Variants in MAN2B2 observed in about 807,000 individuals in gnomAD.
MAN2B2 encodes the protein epididymis-specific alpha-mannosidase.
MAN2B2 carries 106 observed loss-of-function variants against 117.1 expected under a neutral mutation model. That is an observed-to-expected ratio of 0.90 (90% CI 0.77 to 1.06). The LOEUF (loss-of-function observed/expected upper bound fraction) is 1.06. MAN2B2 is among the 50% of genes least tolerant of loss of function. The pLI is 0.00. For synonymous variants in MAN2B2, 544 were observed against 595.1 expected, an observed-to-expected ratio of 0.91 and a Z score of 1.25; for missense variants, 1,326 against 1,381.4, an observed-to-expected ratio of 0.96 and a Z score of 0.64.
At chr4:6,594,467 C>T (rs765131145) in intron 6 of MAN2B2, 67 bp from the exon 7 acceptor site, 16 of 1,517,830 alleles carry the variant, frequency 1.1e-5, no homozygotes, top group East Asian at 2.3e-5. Context: ...GGGCAGCGAT[C>T]GGCCCACCCC....
intron 18 of MAN2B2, chr4:6,620,245 G>A: frequency 7.4e-6 from 4 of 539,394 alleles, no homozygotes; most frequent in Admixed American, 3.2e-5. Context: ...TGCCTGCCAG[G>A]GCTCCACACA....
chr4:6,609,761 C>A, intron 12 of MAN2B2, 37 bp from the exon 13 acceptor site: 1 of 1,601,888 alleles, frequency 6.2e-7, no homozygotes, highest in South Asian at 1.1e-5. Flanking sequence ...TAGAAGGTTC[C>A]TGGAGCTTCA....
At position 6,593,240 on chromosome 4, in the gene MAN2B2, A is replaced by G. The variant is rs1726925399; in HGVS notation, c.748A>G (p.Met250Val). 1 of 1,613,848 alleles carries G rather than the reference A, an allele frequency of 6.2e-7. No individual in the cohort carries two copies. The highest frequency in any genetic ancestry group is 2.2e-5 in the East Asian group (1 of 44,874). Residue 250 changes from methionine (M) to valine (V), a missense_variant, in exon 6 of 19, where the codon ATG becomes GTG. By Grantham distance (21) the Met-to-Val change is conservative. Transcript: ENST00000285599. ...TCCCCAAGATGGGGTGTACCCCAAC[A>G]TGAGTGAGCCTGTCACCCCAGCCAA... ...KPPQDGVYPN[M>V]SEPVTPANIN... is the part of the protein sequence containing the mutation.
intron 12 of MAN2B2, 38 bp from the exon 13 acceptor site, chr4:6,609,760 C>G (rs1168532527): frequency 2.2e-6 from 3 of 1,383,422 alleles, no homozygotes; most frequent in Non-Finnish European, 2.9e-6. Context: ...CTAGAAGGTT[C>G]CTGGAGCTTC....
In MAN2B2 at chr4:6,576,577, G is replaced by A. The variant is rs756062288; in HGVS notation, c.139-1G>A. 1.2e-6 allele frequency: 2 copies of A among 1,611,886 alleles called. No homozygotes were observed. The highest frequency in any genetic ancestry group is 1.7e-6 in the Non-Finnish European group (2 of 1,178,722). ...CTGGCATGATGCTGTCCCCTCCCCA[G>A]GAAAGCATGCGGGCGTACGCCGCCA... On this transcript the variant is annotated splice_acceptor_variant, in intron 1 of 18. Coordinates refer to ENST00000285599, the MANE Select transcript of MAN2B2 (RefSeq NM_015274.3). LOFTEE classifies it high-confidence loss of function.
Position 6,576,596 on chromosome 4 carries a change from G to A in MAN2B2, c.157G>A (p.Ala53Thr), listed in dbSNP as rs368885291. 40 of 1,613,058 alleles carry A rather than the reference G, an allele frequency of 2.5e-5. No individual in the cohort carries two copies. Among genetic ancestry groups the A allele is most frequent in the African/African-American group, 6.7e-5 (5 of 74,940 alleles). ...TCCCCAGGAAAGCATGCGGGCGTACGCCGCCAATGTCTACACCTCAGTGGT... is the reference window on the plus strand; with the variant it reads ...TCCCCAGGAAAGCATGCGGGCGTACACCGCCAATGTCTACACCTCAGTGGT... Reference protein sequence around the residue: ...YTVQESMRAYAANVYTSVVEE... With the variant: ...YTVQESMRAYTANVYTSVVEE... The change falls in exon 2 of 19, where the codon GCC becomes ACC. Residue 53 changes from alanine to threonine, a missense_variant. By Grantham distance (58) the Ala-to-Thr change is moderately conservative. Transcript: ENST00000285599.
chr4:6,617,820 A>C, intron 17 of MAN2B2: 1 of 260,142 alleles, frequency 3.8e-6, no homozygotes, highest in Non-Finnish European at 7.4e-6. Flanking sequence ...AACTGGGATC[A>C]CAGGGGCGCG....
intron 16 of MAN2B2, among the ~76,000 whole-genome samples, chr4:6,616,014 G>A (rs1286138408): frequency 1.3e-5 from 2 of 152,140 alleles, no homozygotes; most frequent in Non-Finnish European, 2.9e-5. Flanking sequence ...GTGCTGACCA[G>A]GCTGGTCTCA....
At chr4:6,595,351 AGCCTCCT>A (rs1727038438) in intron 7 of MAN2B2, among the ~76,000 whole-genome samples, 1 of 152,242 alleles carries the variant, frequency 6.6e-6, no homozygotes, top group African/African-American at 2.4e-5. Context: ...AAGTGCTCTC[AGCCTCCT>A]GCCCAGCACA....
In MAN2B2 at chr4:6,611,212, G is replaced by A; in HGVS notation, c.2497G>A (p.Ala833Thr). The change falls in exon 15 of 19, where the codon GCC becomes ACC. Residue 833 changes from alanine (A) to threonine (T), a missense_variant. Ala to Thr is a moderately conservative substitution (Grantham distance 58). Coordinates refer to ENST00000285599, the MANE Select transcript of MAN2B2 (RefSeq NM_015274.3). ...GCTGGGATCCTGGTCCCTCACCACT[G>A]CCCTGCGCCAGAGGAGCGCACTGGC... is the stretch of plus-strand genomic sequence containing the variant. ...LLLGSWSLTTALRQRSALALQ... is the reference protein window; with the variant it reads ...LLLGSWSLTTTLRQRSALALQ... The A allele has an allele frequency of 6.2e-7, 1 of 1,613,796 alleles. No individual in the cohort carries two copies. Among genetic ancestry groups the A allele is most frequent in the Non-Finnish European group, 8.5e-7 (1 of 1,180,010 alleles).
intron 3 of MAN2B2, among the ~76,000 whole-genome samples, chr4:6,586,581 C>T (rs910577563): frequency 2.6e-5 from 4 of 151,940 alleles, no homozygotes; most frequent in African/African-American, 4.8e-5. Context: ...TGTGTGATTC[C>T]GCTGATATCT....
At chr4:6,617,849 T>TTG (rs1366136322) in intron 17 of MAN2B2, 1 of 204,776 alleles carries the variant, frequency 4.9e-6, no homozygotes, top group Non-Finnish European at 9.5e-6. Flanking sequence ...ATGGCTAAGT[T>TTG]TTTTTTTTTT....
intron 17 of MAN2B2, chr4:6,619,131 G>C (rs796717490): frequency 6.6e-6 from 1 of 152,388 alleles, no homozygotes; most frequent in African/African-American, 2.4e-5. Flanking sequence ...ATTGAGTTAG[G>C]AACGCAGTGA....
chr4:6,622,742 G>GTTT lies in MAN2B2; in HGVS notation c.*1459_*1461dup, dbSNP rs1451852699. 1 of 151,646 alleles carries GTTT rather than the reference G, an allele frequency of 6.6e-6. No individual in the cohort carries two copies. Among genetic ancestry groups the GTTT allele is most frequent in the Non-Finnish European group, 1.5e-5 (1 of 68,066 alleles). 9.4% of individuals were successfully genotyped at this position (151,646 alleles called of 1,614,324 possible). A position where few individuals can be genotyped will look rare whatever the true frequency, so the allele number is the denominator to read the frequency against. On this transcript the variant is annotated 3_prime_UTR_variant, in exon 19 of 19. Transcript: ENST00000285599. ...TGAGCCAATGTGCCCGGCCTAAACC[G>GTTT]TTTTAAAGAGTAAACTGTAAGATGT...
rs780912249 is a variant in MAN2B2 at position 6,621,278 on chromosome 4, A to T, written c.3023A>T (p.Gln1008Leu). Residue 1008 changes from glutamine (Q) to leucine (L), a missense_variant, in exon 19 of 19, where the codon CAG becomes CTG. Gln to Leu is a moderately radical substitution (Grantham distance 113). Coordinates refer to ENST00000285599, the MANE Select transcript of MAN2B2 (RefSeq NM_015274.3). ...CGGACGTTCTTTATTCACTTTCAAC[A>T]GCAGTGAGCCCTGGGCAGATGCCCC... is the stretch of plus-strand genomic sequence containing the variant. The part of the protein sequence containing the change: ...EIRTFFIHFQ[Q>L]Q 3 of 1,613,822 alleles carry T rather than the reference A, an allele frequency of 1.9e-6. No homozygotes were observed. The highest frequency in any genetic ancestry group is 1.7e-6 in the Non-Finnish European group (2 of 1,179,756).
At position 6,576,686 on chromosome 4, in the gene MAN2B2, T is replaced by C. The variant is rs1270222219; in HGVS notation, c.247T>C (p.Trp83Arg). 3 of 1,613,960 alleles carry C rather than the reference T, an allele frequency of 1.9e-6. No homozygotes were observed. The highest frequency in any genetic ancestry group is 2.5e-6 in the Non-Finnish European group (3 of 1,179,990). ...TGTGGAGCAGGAGTTTTTCCGGCTG[T>C]GGTGGGATGGCGTCGCCTCGGACCA... is the stretch of plus-strand genomic sequence containing the variant. ...IAVEQEFFRL[W>R]WDGVASDQQK... Residue 83 changes from tryptophan (W) to arginine (R), a missense_variant, in exon 2 of 19, where the codon TGG (tryptophan) becomes CGG (arginine). Trp to Arg is a moderately radical substitution (Grantham distance 101). Coordinates refer to ENST00000285599, the MANE Select transcript of MAN2B2 (RefSeq NM_015274.3).
chr4:6,609,860 G>A lies in MAN2B2; in HGVS notation c.2069G>A (p.Gly690Asp). The change falls in exon 13 of 19, where the codon GGC becomes GAC. Residue 690 changes from glycine to aspartate, a missense_variant. Transcript: ENST00000285599. ...IRSRLTHVPQ[G>D]HDGELLCHRI... ...TCCCGGCTCACCCATGTGCCGCAGG[G>A]CCATGACGGGGAGCTGCTCTGCCAC... is the stretch of plus-strand genomic sequence containing the variant. 1 of 1,614,110 alleles carries A rather than the reference G, an allele frequency of 6.2e-7. No homozygotes were observed. Among genetic ancestry groups the A allele is most frequent in the Non-Finnish European group, 8.5e-7 (1 of 1,180,032 alleles).
At chr4:6,589,387 C>T (rs1471854330) in intron 5 of MAN2B2, among the ~76,000 whole-genome samples, 2 of 152,132 alleles carry the variant, frequency 1.3e-5, no homozygotes, top group Non-Finnish European at 2.9e-5. Flanking sequence ...ATTATAGGCA[C>T]CCACCACCAC....
At chr4:6,609,724 A>G in intron 12 of MAN2B2, 74 bp from the exon 13 acceptor site, 6 of 696,664 alleles carry the variant, frequency 8.6e-6, no homozygotes, top group East Asian at 4.3e-5. Flanking sequence ...TGCCCACATG[A>G]AGGAAGGGAA....
Sources: gnomAD v4.1 joint callset for allele counts (sites outside exome capture counted in the v4.1 genomes callset) on GRCh38, gnomAD v4.1.1 for gene constraint, MANE v1.5 for transcripts, NCBI Gene and HGNC (gene_info 2026-07-23, HGNC 2026-07-21) for gene names.